Variants in FAM135B observed in about 807,000 individuals in gnomAD.
FAM135B encodes the protein family with sequence similarity 135 member B.
In FAM135B, 43 loss-of-function variants were observed where a neutral mutation model predicts 127.7. The observed-to-expected ratio is 0.34, with a 90% confidence interval of 0.26 to 0.43. The LOEUF (loss-of-function observed/expected upper bound fraction) is 0.43. Among genes scored for constraint, FAM135B ranks in the 20% least tolerant of loss-of-function variants. The pLI is 1.00. For synonymous variants in FAM135B, 670 were observed against 665.1 expected, an observed-to-expected ratio of 1.01 and a Z score of -0.11; for missense variants, 1,558 against 1,725.6, an observed-to-expected ratio of 0.90 and a Z score of 1.72.
intron 1 of FAM135B, among the ~76,000 whole-genome samples, chr8:138,375,602 A>C (rs888319096): frequency 8.5e-5 from 13 of 152,194 alleles, no homozygotes; most frequent in Non-Finnish European, 1.9e-4. Flanking sequence ...CGTAAAGTCG[A>C]AGCCACCTAG....
intron 9 of FAM135B, among the ~76,000 whole-genome samples, chr8:138,190,704 T>G (rs1047327107): frequency 2.0e-5 from 3 of 152,174 alleles, no homozygotes; most frequent in Non-Finnish European, 4.4e-5. Context: ...TACCATCTAT[T>G]CTCTCTGAAG....
At chr8:138,213,330 GTAT>G (rs72461680) in intron 7 of FAM135B, among the ~76,000 whole-genome samples, 36,581 of 151,908 alleles carry the variant, frequency 0.24, 4,663 homozygotes, top group Admixed American at 0.36. Flanking sequence ...TAAGTAATAA[GTAT>G]TATTGTCATT....
At chr8:138,334,581 C>A (rs1828423659) in intron 2 of FAM135B, among the ~76,000 whole-genome samples, 1 of 152,082 alleles carries the variant, frequency 6.6e-6, no homozygotes, top group South Asian at 2.1e-4. Flanking sequence ...GTATCGTGTT[C>A]CCCTCTACGT....
At chr8:138,445,683 C>T (rs1836106972) in intron 1 of FAM135B, among the ~76,000 whole-genome samples, 1 of 152,026 alleles carries the variant, frequency 6.6e-6, no homozygotes, top group South Asian at 2.1e-4. Context: ...TATGACAAAC[C>T]CACGGCCAAT....
chr8:138,412,005 C>A (rs1833897981), intron 1 of FAM135B, among the ~76,000 whole-genome samples: 1 of 152,068 alleles, frequency 6.6e-6, no homozygotes, highest in African/African-American at 2.4e-5. Context: ...TAAGTTGGAG[C>A]TAAACATTGG....
At chr8:138,248,387 G>C (rs1821443312) in intron 6 of FAM135B, among the ~76,000 whole-genome samples, 1 of 152,154 alleles carries the variant, frequency 6.6e-6, no homozygotes, top group South Asian at 2.1e-4. Flanking sequence ...AGAGCTTCCA[G>C]ACATGGCCTC....
intron 1 of FAM135B, among the ~76,000 whole-genome samples, chr8:138,488,180 T>C (rs759144809): frequency 5.9e-5 from 9 of 152,172 alleles, no homozygotes; most frequent in Non-Finnish European, 5.9e-5. Context: ...GCTGCAGTTA[T>C]TACTTTTTAA....
intron 1 of FAM135B, among the ~76,000 whole-genome samples, chr8:138,389,373 G>A (rs763723097): frequency 2.0e-5 from 3 of 152,146 alleles, no homozygotes; most frequent in Non-Finnish European, 2.9e-5. Context: ...GTTCGTAGCA[G>A]CATTATTCAC....
rs143560265 is a variant in FAM135B, at chr8:138,284,756, G to C, written c.158-18914C>G. ...TTCCCTAATCTCCTTAACGTGGTCA[G>C]ACATACCTCTTAGTGGTGTGTCTGT... On this transcript the variant is annotated intron_variant, in intron 3 of 19. Transcript: ENST00000395297. Among the ~76,000 whole-genome samples, 211 of 152,136 alleles carry C rather than the reference G, an allele frequency of 1.4e-3. 1 individual carries two copies. Among genetic ancestry groups the C allele is most frequent in the African/African-American group, 4.4e-3 (184 of 41,496 alleles).
chr8:138,292,071 G>C (rs1323889606), intron 3 of FAM135B, among the ~76,000 whole-genome samples: 1 of 152,050 alleles, frequency 6.6e-6, no homozygotes, highest in African/African-American at 2.4e-5. Flanking sequence ...ATTTAGTAAA[G>C]ATGAAGGATA....
intron 15 of FAM135B, among the ~76,000 whole-genome samples, chr8:138,143,840 G>A (rs1284015307): frequency 3.9e-5 from 6 of 152,234 alleles, no homozygotes. Flanking sequence ...TAGGAAAAGT[G>A]AATAGGATGT....
intron 3 of FAM135B, among the ~76,000 whole-genome samples, chr8:138,299,990 C>T (rs866038645): frequency 2.6e-5 from 4 of 151,794 alleles, no homozygotes; most frequent in South Asian, 4.2e-4. Flanking sequence ...TTATTTGAGA[C>T]GGAATCTCGC....
chr8:138,324,604 C>T (rs1321182565), intron 2 of FAM135B, among the ~76,000 whole-genome samples: 3 of 152,212 alleles, frequency 2.0e-5, no homozygotes, highest in Admixed American at 1.3e-4. Context: ...AGTGTTCCAA[C>T]CACTATGCTC....
chr8:138,310,617 T>C (rs1034148208), intron 3 of FAM135B, among the ~76,000 whole-genome samples: 1 of 152,194 alleles, frequency 6.6e-6, no homozygotes, highest in Non-Finnish European at 1.5e-5. Context: ...TACTGGCTGT[T>C]CCTGGGAAAG....
At chr8:138,218,805 G>GAGAGAGAGAGA (rs1563784019) in intron 7 of FAM135B, among the ~76,000 whole-genome samples, 1 of 16,896 alleles carries the variant, frequency 5.9e-5, no homozygotes, top group African/African-American at 1.4e-4. Flanking sequence ...AGAGAGAGAG[G>GAGAGAGAGAGA]GAGAGAAAGA....
intron 1 of FAM135B, among the ~76,000 whole-genome samples, chr8:138,464,523 G>T (rs578102690): frequency 1.3e-5 from 2 of 152,296 alleles, no homozygotes; most frequent in African/African-American, 4.8e-5. Flanking sequence ...GTCCTCTTGG[G>T]TGTCTTCTGA....
chr8:138,218,573 T>G (rs1046966328), intron 7 of FAM135B, among the ~76,000 whole-genome samples: 1 of 152,192 alleles, frequency 6.6e-6, no homozygotes, highest in Admixed American at 6.5e-5. Flanking sequence ...GAAATGTTCA[T>G]GGATGTTAGA....
chr8:138,198,788 A>G (rs541827220), intron 7 of FAM135B, among the ~76,000 whole-genome samples: 8 of 150,676 alleles, frequency 5.3e-5, no homozygotes, highest in Admixed American at 1.3e-4. Context: ...TTTCTTGCCA[A>G]CTCAACAGAG....
intron 3 of FAM135B, among the ~76,000 whole-genome samples, chr8:138,291,500 T>C (rs528896534): frequency 6.6e-6 from 1 of 152,242 alleles, no homozygotes; most frequent in South Asian, 2.1e-4. Context: ...GAAAAAAATA[T>C]ATAGACCAAT....
Sources: gnomAD v4.1 joint callset for allele counts (sites outside exome capture counted in the v4.1 genomes callset) on GRCh38, gnomAD v4.1.1 for gene constraint, MANE v1.5 for transcripts, NCBI Gene and HGNC (gene_info 2026-07-23, HGNC 2026-07-21) for gene names.